Variants in PLEC observed in about 807,000 individuals in gnomAD.
PLEC encodes the protein plectin.
PLEC carries 216 observed loss-of-function variants against 392.8 expected under a neutral mutation model. That is an observed-to-expected ratio of 0.55 (90% CI 0.49 to 0.62). PLEC has a LOEUF of 0.62. Ranked by LOEUF, PLEC falls within the 20% of genes least tolerant of loss-of-function variation. PLEC has a pLI of 0.00. For missense variants in PLEC, 6,863 were observed against 6,563.4 expected (o/e 1.05, Z -1.58); for synonymous variants, 3,621 against 2,980.6 (o/e 1.21, Z -7.00).
chr8:143,932,613 G>C, intron 15 of PLEC, 22 bp downstream of exon 15: 2 of 1,611,254 alleles, frequency 1.2e-6, no homozygotes, highest in East Asian at 2.2e-5. Flanking sequence ...CACCTCCCCC[G>C]GCTGGCCCTG....
At chr8:143,942,139 C>CG (rs1174138611), upstream of PLEC, among the ~76,000 whole-genome samples, 5 of 152,054 alleles carry the variant, frequency 3.3e-5, no homozygotes, top group Admixed American at 2.0e-4. Context: ...GTGGAACAGC[C>CG]GGGGGTGGGC....
chr8:143,975,986 C>T (rs1833647429), upstream of PLEC, among the ~76,000 whole-genome samples: 1 of 152,206 alleles, frequency 6.6e-6, no homozygotes, highest in Non-Finnish European at 1.5e-5. This position sits in a 1 kb window ranked among gnomAD's most constrained non-coding sequence, Gnocchi z 9.9. Flanking sequence ...AAGCCCTTCC[C>T]CTGGACACCG....
At position 143,930,013 on chromosome 8, in the gene PLEC, C is replaced by T. The variant is rs377225173; in HGVS notation, c.2662G>A (p.Val888Met). The T allele has an allele frequency of 1.3e-5, 21 of 1,612,172 alleles. No individual in the cohort carries two copies. The highest frequency in any genetic ancestry group is 7.7e-5 in the South Asian group (7 of 91,056). ...CAGGCCAGAAGGCTCTTCATGTCCA[C>T]GTGCAACTGGTGCCACAGCGTGACC... ...ALVTLWHQLH[V>M]DMKSLLAWQS... The change falls in exon 22 of 32, where the codon GTG (valine) becomes ATG (methionine). Residue 888 changes from valine (V) to methionine (M), a missense_variant. Physicochemically the swap from Val to Met is conservative, Grantham distance 21. Coordinates refer to ENST00000345136, the MANE Select transcript of PLEC (RefSeq NM_201384.3).
rs782362779 is a variant in PLEC at position 143,922,413 on chromosome 8, G to A, written c.7426-18C>T. 5 of 1,600,630 alleles carry A rather than the reference G, an allele frequency of 3.1e-6. No individual in the cohort carries two copies. Among genetic ancestry groups the A allele is most frequent in the Admixed American group, 1.7e-5 (1 of 60,002 alleles). On this transcript the variant is annotated intron_variant, in intron 31 of 31. Coordinates refer to ENST00000345136, the MANE Select transcript of PLEC (RefSeq NM_201384.3). ...GTCTGCATCTGCAGAAGAAGAGGGT[G>A]TGATCAGGGACCGCCAGCCCAGGAG...
rs1436911149 is a variant in PLEC at position 143,925,040 on chromosome 8, TCCCGCTCTGCCTCCTCGCGCG to T, written c.4868_4888del (p.Ala1623_Arg1629del). ...GGCCTTGAGCTGCCAGCGCTCCAGCTCCCGCTCTGCCTCCTCGCGCGCCCGCTCGGCCTCGGCCTGCTGCTG... is the reference window on the plus strand; with the variant it reads ...GGCCTTGAGCTGCCAGCGCTCCAGCTCCCGCTCGGCCTCGGCCTGCTGCTG... On this transcript the variant is annotated inframe_deletion, in exon 31 of 32. Transcript: ENST00000345136. 11 of 1,558,030 alleles carry T rather than the reference TCCCGCTCTGCCTCCTCGCGCG, an allele frequency of 7.1e-6. No individual in the cohort carries two copies. Among genetic ancestry groups the T allele is most frequent in the South Asian group, 2.3e-5 (2 of 86,338 alleles).
At position 143,930,010 on chromosome 8, in the gene PLEC, C is replaced by G; in HGVS notation, c.2665G>C (p.Asp889His). Residue 889 changes from aspartate to histidine, a missense_variant, in exon 22 of 32, where the codon GAC (aspartate) becomes CAC (histidine). Physicochemically the swap from Asp to His is moderately conservative, Grantham distance 81. Transcript: ENST00000345136. ...TGCCAGGCCAGAAGGCTCTTCATGT[C>G]CACGTGCAACTGGTGCCACAGCGTG... ...LVTLWHQLHV[D>H]MKSLLAWQSL... is the part of the protein sequence containing the mutation. The G allele has an allele frequency of 6.2e-7, 1 of 1,612,286 alleles. No homozygotes were observed. Among genetic ancestry groups the G allele is most frequent in the Non-Finnish European group, 8.5e-7 (1 of 1,179,742 alleles).
In PLEC at chr8:143,923,183, G is replaced by C. The variant is rs1182288804; in HGVS notation, c.6746C>G (p.Ala2249Gly). 2 of 1,602,476 alleles carry C rather than the reference G, an allele frequency of 1.2e-6. No individual in the cohort carries two copies. The highest frequency in any genetic ancestry group is 8.5e-7 in the Non-Finnish European group (1 of 1,179,902). Residue 2249 changes from alanine to glycine, a missense_variant, in exon 31 of 32, where the codon GCT (alanine) becomes GGT (glycine). Physicochemically the swap from Ala to Gly is moderately conservative, Grantham distance 60 (BLOSUM62 0). Coordinates refer to ENST00000345136, the MANE Select transcript of PLEC (RefSeq NM_201384.3). ...ACGCAAGATGAGTGCGCGGTTCTCAGCCTCGATGCGTGCCTTGAGCTTGCT... is the reference window on the plus strand; with the variant it reads ...ACGCAAGATGAGTGCGCGGTTCTCACCCTCGATGCGTGCCTTGAGCTTGCT... ...ELSKLKARIE[A>G]ENRALILRDK...
At position 143,917,794 on chromosome 8, in the gene PLEC, G is replaced by A. The variant is rs762178584; in HGVS notation, c.12027C>T (p.Arg4009=). The change falls in exon 32 of 32, where the codon CGC becomes CGT. Residue 4009 remains arginine (R), a synonymous_variant. Coordinates refer to ENST00000345136, the MANE Select transcript of PLEC (RefSeq NM_201384.3). ...EFKDKLLSAE[R]AVTGYKDPYS... is the part of the protein sequence containing the mutation. ...AGGGGTCCTTGTACCCAGTGACGGC[G>A]CGCTCGGCCGACAGCAGCTTGTCCT... The A allele has an allele frequency of 2.3e-4, 372 of 1,613,474 alleles. 1 individual carries two copies. In the Admixed American group the frequency reaches 3.8e-3, roughly 16 times the overall value.
In PLEC at chr8:143,934,832, G is replaced by A. The variant is rs781813266; in HGVS notation, c.923C>T (p.Pro308Leu). Reference sequence around the variant, plus strand: ...CACCTCAATCTCCTCGAAGCTGGAGGGGAACCTGCGTTCCTCAAAGGCGGC... The same window carrying A: ...CACCTCAATCTCCTCGAAGCTGGAGAGGAACCTGCGTTCCTCAAAGGCGGC... ...HTAAFEERRF[P>L]SSFEEIEILW... Residue 308 changes from proline to leucine, a missense_variant, in exon 9 of 32, where the codon CCC becomes CTC. Coordinates refer to ENST00000345136, the MANE Select transcript of PLEC (RefSeq NM_201384.3). 1.4e-5 allele frequency: 22 copies of A among 1,611,480 alleles called. No individual in the cohort carries two copies. The Middle Eastern group carries it at 1.6e-3, about 120-fold the overall frequency.
At chr8:143,970,695 G>A (rs1564236466) in intron 1 of PLEC, among the ~76,000 whole-genome samples, 1 of 152,168 alleles carries the variant, frequency 6.6e-6, no homozygotes, top group South Asian at 2.1e-4. Context: ...TGGACTGGCC[G>A]CCTCACCTCC....
chr8:143,920,545 A>G lies in PLEC; in HGVS notation c.9276T>C (p.His3092=). 1.2e-6 allele frequency: 2 copies of G among 1,610,772 alleles called. No individual in the cohort carries two copies. The highest frequency in any genetic ancestry group is 1.7e-6 in the Non-Finnish European group (2 of 1,178,988). Residue 3092 remains histidine (H), a synonymous_variant, in exon 32 of 32, where the codon CAT becomes CAC. Coordinates refer to ENST00000345136, the MANE Select transcript of PLEC (RefSeq NM_201384.3). The part of the protein sequence containing the change: ...VRAGLVGPEF[H]EKLLSAEKAV... ...CCTTCTCGGCTGATAGCAGCTTCTC[A>G]TGAAACTCGGGGCCCACCAGGCCAG... is the stretch of plus-strand genomic sequence containing the variant.
Position 143,918,364 on chromosome 8 carries a change from G to A in PLEC, c.11457C>T (p.Pro3819=). 2 of 1,573,490 alleles carry A rather than the reference G, an allele frequency of 1.3e-6. No homozygotes were observed. The highest frequency in any genetic ancestry group is 1.8e-5 in the Admixed American group (1 of 55,278). Reference sequence around the variant, plus strand: ...AGCCACGCTGGTAAGCCACCTCCAGGGGAAGGTGGAAGCCCAGGCGGGGGT... The same window carrying A: ...AGCCACGCTGGTAAGCCACCTCCAGAGGAAGGTGGAAGCCCAGGCGGGGGT... ...IVDPRLGFHL[P]LEVAYQRGYL... is the part of the protein sequence containing the mutation. Residue 3819 remains proline (P), a synonymous_variant, in exon 32 of 32, where the codon CCC becomes CCT. Transcript: ENST00000345136.
At position 143,929,911 on chromosome 8, in the gene PLEC, GCC is replaced by G. The variant is rs782121534; in HGVS notation, c.2739+23_2739+24del. On this transcript the variant is annotated intron_variant, in intron 22 of 31. Coordinates refer to ENST00000345136, the MANE Select transcript of PLEC (RefSeq NM_201384.3). ...CCTCTCCCCTCCTCCCACCCAGAGAGCCCCCGGCTCGGGGGCAGGCGTACCGT... is the reference window on the plus strand; with the variant it reads ...CCTCTCCCCTCCTCCCACCCAGAGAGCCCGGCTCGGGGGCAGGCGTACCGT... The G allele has an allele frequency of 5.5e-5, 88 of 1,606,600 alleles. No individual in the cohort carries two copies. The African/African-American group carries it at 8.7e-4, about 16-fold the overall frequency.
In PLEC at chr8:143,917,105, T is replaced by C. The variant is rs1466449209; in HGVS notation, c.12716A>G (p.Asn4239Ser). Residue 4239 changes from asparagine to serine, a missense_variant, in exon 32 of 32, where the codon AAC becomes AGC. Transcript: ENST00000345136. ...ITEFADMLSG[N>S]AGGFRSRSSS... Reference sequence around the variant, plus strand: ...GGAACGGGAGCGGAAACCACCGGCGTTGCCCGAGAGCATGTCGGCGAACTC... The same window carrying C: ...GGAACGGGAGCGGAAACCACCGGCGCTGCCCGAGAGCATGTCGGCGAACTC... 3.7e-6 allele frequency: 6 copies of C among 1,604,806 alleles called. No homozygotes were observed. The highest frequency in any genetic ancestry group is 1.6e-4 in the Middle Eastern group (1 of 6,066).
chr8:143,934,229 C>T (rs1828292007), intron 11 of PLEC, 89 bp downstream of exon 11: 9 of 1,602,074 alleles, frequency 5.6e-6, no homozygotes, highest in Admixed American at 1.7e-5. Flanking sequence ...TGGGTTCCCC[C>T]GCCGGGGGCG....
chr8:143,950,282 C>T (rs558227477), exon 1 of PLEC: 20 of 1,570,188 alleles, frequency 1.3e-5, no homozygotes, highest in Admixed American at 5.7e-5. Flanking sequence ...AAGCTCCTTC[C>T]GACGGTAGAC....
Position 143,920,255 on chromosome 8 carries a change from G to A in PLEC, c.9566C>T (p.Pro3189Leu), listed in dbSNP as rs1554681155. Residue 3189 changes from proline (P) to leucine (L), a missense_variant, in exon 32 of 32, where the codon CCG (proline) becomes CTG (leucine). By Grantham distance (98) the Pro-to-Leu change is moderately conservative (BLOSUM62 -3). Coordinates refer to ENST00000345136, the MANE Select transcript of PLEC (RefSeq NM_201384.3). The part of the protein sequence containing the change: ...KAYSDPSTGE[P>L]ATYGELQQRC... Reference sequence around the variant, plus strand: ...CTGCTGGAGCTCGCCGTAGGTGGCCGGCTCCCCTGTGCTGGGGTCACTGTA... The same window carrying A: ...CTGCTGGAGCTCGCCGTAGGTGGCCAGCTCCCCTGTGCTGGGGTCACTGTA... 1.2e-5 allele frequency: 19 copies of A among 1,598,400 alleles called. No homozygotes were observed. Among genetic ancestry groups the A allele is most frequent in the South Asian group, 2.2e-5 (2 of 90,392 alleles).
chr8:143,973,391 G>C lies in PLEC; in HGVS notation c.70+12C>G, dbSNP rs782141284. ...GGAGCGGCCCGACAGGCAGCGGGACGGGGGGCCGTACCTTTGTACTTCTCG... is the reference window on the plus strand; with the variant it reads ...GGAGCGGCCCGACAGGCAGCGGGACCGGGGGCCGTACCTTTGTACTTCTCG... On this transcript the variant is annotated intron_variant, in intron 1 of 31. Coordinates refer to the PLEC transcript ENST00000356346. This position sits in a 1 kb window ranked among gnomAD's most constrained non-coding sequence, Gnocchi z 5.6. 1.3e-6 allele frequency: 2 copies of C among 1,559,380 alleles called. No homozygotes were observed. The highest frequency in any genetic ancestry group is 1.4e-5 in the African/African-American group (1 of 72,328).
At chr8:143,942,549 G>A (rs1453920682), upstream of PLEC, 2 of 1,539,454 alleles carry the variant, frequency 1.3e-6, no homozygotes, top group East Asian at 4.8e-5. Flanking sequence ...TTCGGCCCAC[G>A]GACAGTGCGG....
Sources: allele counts gnomAD v4.1 joint callset (sites outside exome capture counted in the v4.1 genomes callset), GRCh38; gene constraint gnomAD v4.1.1; non-coding constraint Gnocchi (gnomAD v3.1); transcripts MANE v1.5; gene names NCBI Gene and HGNC (gene_info 2026-07-23, HGNC 2026-07-21).